Variants in SATB2 observed in about 807,000 individuals in gnomAD.
The protein encoded by SATB2 is SATB homeobox 2.
Under a neutral mutation model 73.4 loss-of-function variants are expected in SATB2, and 1 was observed. The observed-to-expected ratio is 0.01, with a 90% CI of 0.00 to 0.06. SATB2 has a LOEUF of 0.06. SATB2 is among the 10% of genes least tolerant of loss of function. The pLI is 1.00. For missense variants in SATB2, 459 were observed against 945.8 expected, an observed-to-expected ratio of 0.49 and a Z score of 6.75; for synonymous variants, 397 against 367.0, an observed-to-expected ratio of 1.08 and a Z score of -0.93.
chr2:199,401,983 C>G (rs960266790), intron 3 of SATB2, among the ~76,000 whole-genome samples: 1 of 152,068 alleles, frequency 6.6e-6, no homozygotes, highest in Non-Finnish European at 1.5e-5. Context: ...GGCAGAGATA[C>G]CAGCTAGGAA....
intron 10 of SATB2, among the ~76,000 whole-genome samples, chr2:199,285,604 A>T (rs1188811863): frequency 6.6e-6 from 1 of 152,120 alleles, no homozygotes; most frequent in Non-Finnish European, 1.5e-5. Context: ...AGTATCCATG[A>T]AGTGATGACA....
At chr2:199,446,791 C>A (rs1275856993) in intron 2 of SATB2, among the ~76,000 whole-genome samples, 1 of 152,160 alleles carries the variant, frequency 6.6e-6, no homozygotes, top group Non-Finnish European at 1.5e-5. Context: ...ACATCCCACT[C>A]TAAAAGGGAT....
At chr2:199,291,508 T>G (rs1692859180) in intron 10 of SATB2, among the ~76,000 whole-genome samples, 1 of 152,146 alleles carries the variant, frequency 6.6e-6, no homozygotes, top group South Asian at 2.1e-4. Context: ...TTTAAGACAT[T>G]ATATAATTAC....
chr2:199,305,993 T>C (rs970116159), intron 10 of SATB2, among the ~76,000 whole-genome samples: 5 of 152,160 alleles, frequency 3.3e-5, no homozygotes, highest in African/African-American at 1.2e-4. Flanking sequence ...TAGACAAAAA[T>C]GTAACATCAC....
At chr2:199,411,731 G>C (rs1050254866) in intron 3 of SATB2, among the ~76,000 whole-genome samples, 1 of 152,162 alleles carries the variant, frequency 6.6e-6, no homozygotes, top group East Asian at 1.9e-4. Context: ...GACAGGACTA[G>C]TTCCTAGACT....
At chr2:199,305,171 T>C (rs1687393989) in intron 10 of SATB2, among the ~76,000 whole-genome samples, 2 of 152,120 alleles carry the variant, frequency 1.3e-5, no homozygotes, top group East Asian at 1.9e-4. Context: ...TATATATGCA[T>C]GTACACTCAG....
intron 9 of SATB2, among the ~76,000 whole-genome samples, chr2:199,313,832 C>T (rs181792679): frequency 1.3e-5 from 2 of 152,258 alleles, no homozygotes; most frequent in East Asian, 3.9e-4. Context: ...AAGAACATTA[C>T]TAGAGGCAAC....
chr2:199,325,653 A>T (rs1688008257), intron 8 of SATB2, among the ~76,000 whole-genome samples: 1 of 152,166 alleles, frequency 6.6e-6, no homozygotes, highest in African/African-American at 2.4e-5. Context: ...AATTTGCCTC[A>T]CTGACTATCT....
intron 3 of SATB2, among the ~76,000 whole-genome samples, chr2:199,426,185 T>C (rs1691322451): frequency 6.6e-6 from 1 of 152,036 alleles, no homozygotes; most frequent in South Asian, 2.1e-4. Flanking sequence ...CTCCCAAACA[T>C]TTAGTGTTTA....
chr2:199,389,877 T>G (rs534853750), intron 3 of SATB2, among the ~76,000 whole-genome samples: 51 of 152,244 alleles, frequency 3.3e-4, no homozygotes, highest in Non-Finnish European at 6.8e-4. Flanking sequence ...CCCCTTACAC[T>G]ACAGAAACAT....
At chr2:199,369,525 T>C (rs1455932851) in intron 5 of SATB2, among the ~76,000 whole-genome samples, 5 of 152,206 alleles carry the variant, frequency 3.3e-5, no homozygotes, top group Non-Finnish European at 5.9e-5. Context: ...CAGATGTTAA[T>C]GTATACCTGA....
At chr2:199,434,136 A>G (rs923437616) in intron 2 of SATB2, among the ~76,000 whole-genome samples, 2 of 152,120 alleles carry the variant, frequency 1.3e-5, no homozygotes, top group African/African-American at 4.8e-5. Context: ...AAATCCTAGT[A>G]AATAGGTTAT....
chr2:199,461,078 GATTA>G (rs1177409275), upstream of SATB2, among the ~76,000 whole-genome samples: 1 of 152,114 alleles, frequency 6.6e-6, no homozygotes, highest in African/African-American at 2.4e-5. Flanking sequence ...TGTCAAATAC[GATTA>G]ATTATGACCA....
chr2:199,385,950 G>A (rs1689917911), intron 3 of SATB2, among the ~76,000 whole-genome samples: 1 of 151,934 alleles, frequency 6.6e-6, no homozygotes, highest in Non-Finnish European at 1.5e-5. Context: ...TACCCTTTAG[G>A]GTTATCATGA....
intron 9 of SATB2, 108 bp from the exon 10 acceptor site, chr2:199,309,065 G>C (rs952413366): frequency 5.9e-5 from 57 of 962,098 alleles, no homozygotes; most frequent in Non-Finnish European, 8.8e-5. Context: ...TGTCAAAATT[G>C]TTCCTGCCAA....
At chr2:199,323,474 C>CATAT (rs139535802) in intron 9 of SATB2, among the ~76,000 whole-genome samples, 15,918 of 138,044 alleles carry the variant, frequency 0.12, 1,099 homozygotes, top group South Asian at 0.27. Context: ...AAGTTTTGTT[C>CATAT]ATACACACAC....
chr2:199,358,092 C>T (rs1263798206), intron 6 of SATB2, among the ~76,000 whole-genome samples: 11 of 152,116 alleles, frequency 7.2e-5, no homozygotes, highest in Non-Finnish European at 5.9e-5. Context: ...CTGGGCTACA[C>T]ATTAATGGTC....
chr2:199,300,201 G>A (rs1268657780), intron 10 of SATB2, among the ~76,000 whole-genome samples: 1 of 151,772 alleles, frequency 6.6e-6, no homozygotes, highest in African/African-American at 2.4e-5. Flanking sequence ...GAGGGAGGGA[G>A]AAGGAAGGAA....
chr2:199,414,785 T>C (rs575846659), intron 3 of SATB2, among the ~76,000 whole-genome samples: 1 of 152,246 alleles, frequency 6.6e-6, no homozygotes, highest in African/African-American at 2.4e-5. Flanking sequence ...AGCTGGTCAC[T>C]CTTCTCCCCA....
Sources: gnomAD v4.1 joint callset for allele counts (sites outside exome capture counted in the v4.1 genomes callset) on GRCh38, gnomAD v4.1.1 for gene constraint, MANE v1.5 for transcripts, NCBI Gene and HGNC (gene_info 2026-07-23, HGNC 2026-07-21) for gene names.